The following DFFB variants were observed in gnomAD, a reference collection of about 807,000 sequenced individuals.
DFFB encodes the protein DNA fragmentation factor 40 kDa subunit.
A neutral mutation model predicts 32.7 loss-of-function variants in DFFB; 29 were observed. That is an observed-to-expected ratio of 0.89 (90% CI 0.66 to 1.21). The LOEUF (loss-of-function observed/expected upper bound fraction) is 1.21, where lower values mean the gene tolerates loss of function less well. Among genes scored for constraint, DFFB ranks in the 50% most tolerant of loss-of-function variants. DFFB has a pLI of 0.00. For missense variants in DFFB, 398 were observed against 440.6 expected, an observed-to-expected ratio of 0.90 and a Z score of 0.87; for synonymous variants, 170 against 177.1, an observed-to-expected ratio of 0.96 and a Z score of 0.32.
chr1:3,863,318 A>C (rs1355291471), intron 2 of DFFB, among the ~76,000 whole-genome samples: 1 of 152,214 alleles, frequency 6.6e-6, no homozygotes, highest in Non-Finnish European at 1.5e-5. Context: ...GGAACTGCAA[A>C]TCAAAACCAC....
rs761576895 is a variant in DFFB at position 3,857,723 on chromosome 1, C to G, written c.114+6C>G. 4 of 1,512,476 alleles carry G rather than the reference C, an allele frequency of 2.6e-6. No individual in the cohort carries two copies. The highest frequency in any genetic ancestry group is 3.5e-6 in the Non-Finnish European group (4 of 1,128,014). 93.7% of individuals were successfully genotyped at this position (1,512,476 alleles called of 1,614,324 possible). A position where few individuals can be genotyped will look rare whatever the true frequency, so the allele number is the denominator to read the frequency against. On this transcript the variant is annotated splice_donor_region_variant and intron_variant, in intron 1 of 6. Coordinates refer to ENST00000378209, the MANE Select transcript of DFFB (RefSeq NM_004402.4). ...AGGGCTGTCTCCGCTTCCAGGTGCC[C>G]GCTGGGCTAGGCGGGGACGGCCCGT...
At position 3,869,690 on chromosome 1, in the gene DFFB, C is replaced by A. The variant is rs1032964612; in HGVS notation, c.596C>A (p.Ser199Tyr). 2 of 1,613,410 alleles carry A rather than the reference C, an allele frequency of 1.2e-6. No individual in the cohort carries two copies. Among genetic ancestry groups the A allele is most frequent in the African/African-American group, 2.7e-5 (2 of 75,074 alleles). ...GGCTCCATGTGCCAGAGGCTCCGGT[C>A]CATGCAGTACAATGGCAGCTACTTC... ...VLGSMCQRLR[S>Y]MQYNGSYFDR... The change falls in exon 5 of 7, where the codon TCC (serine) becomes TAC (tyrosine). Residue 199 changes from serine (S) to tyrosine (Y), a missense_variant. Transcript: ENST00000378209.
chr1:3,883,064 C>T (rs1001310511), intron 6 of DFFB, among the ~76,000 whole-genome samples: 5 of 148,248 alleles, frequency 3.4e-5, no homozygotes, highest in South Asian at 2.1e-4. Flanking sequence ...AGTGCGGTGG[C>T]GTGATCTTGG....
intron 2 of DFFB, among the ~76,000 whole-genome samples, chr1:3,859,935 C>T (rs1644846864): frequency 6.6e-6 from 1 of 152,144 alleles, no homozygotes. Flanking sequence ...CTGCATCTCG[C>T]AGTCTCTGTC....
chr1:3,857,798 A>C, intron 1 of DFFB, 81 bp downstream of exon 1: 3 of 1,083,504 alleles, frequency 2.8e-6, no homozygotes, highest in Non-Finnish European at 3.7e-6. Context: ...CTCTTCCAAA[A>C]CGGAGGGTGC....
At chr1:3,872,089 A>G (rs548713176) in intron 5 of DFFB, among the ~76,000 whole-genome samples, 1 of 152,286 alleles carries the variant, frequency 6.6e-6, no homozygotes, top group East Asian at 1.9e-4. Context: ...TGCACGTCCA[A>G]AGCATGTCAC....
At chr1:3,860,077 A>G (rs1644850169) in intron 2 of DFFB, among the ~76,000 whole-genome samples, 1 of 152,052 alleles carries the variant, frequency 6.6e-6, no homozygotes, top group African/African-American at 2.4e-5. Flanking sequence ...TTAGACTTAA[A>G]AAAAATTTTT....
At chr1:3,875,065 C>T (rs887460623) in intron 6 of DFFB, among the ~76,000 whole-genome samples, 1 of 152,258 alleles carries the variant, frequency 6.6e-6, no homozygotes, top group Non-Finnish European at 1.5e-5. Flanking sequence ...TGTACCTGTT[C>T]ATTGCATGCT....
rs199677789 is a variant in DFFB, at chr1:3,867,959, T to C, written c.431-15T>C. On this transcript the variant is annotated splice_polypyrimidine_tract_variant and intron_variant, in intron 3 of 6. Transcript: ENST00000378209. ...CTGCCCTGTGGACTTGGGGGTCTTC[T>C]CGTTTTCCTTGCAGGCTTGGAGTCC... 4,400 of 1,614,020 alleles carry C rather than the reference T, an allele frequency of 2.7e-3. 14 individuals are homozygous for C. Among genetic ancestry groups the C allele is most frequent in the Non-Finnish European group, 3.3e-3 (3,942 of 1,179,910 alleles).
intron 5 of DFFB, among the ~76,000 whole-genome samples, chr1:3,871,733 T>G: frequency 6.6e-6 from 1 of 152,200 alleles, no homozygotes; most frequent in Middle Eastern, 3.2e-3. Flanking sequence ...GTGGGTAATT[T>G]ATAAAGAAAA....
chr1:3,866,683 C>T (rs934824077), intron 3 of DFFB, among the ~76,000 whole-genome samples: 2 of 152,156 alleles, frequency 1.3e-5, no homozygotes, highest in Non-Finnish European at 2.9e-5. Flanking sequence ...GAACTCCTTC[C>T]ACCTTGCAAA....
intron 3 of DFFB, 188 bp downstream of exon 3, chr1:3,866,188 G>A: frequency 1.5e-6 from 1 of 689,552 alleles, no homozygotes; most frequent in Non-Finnish European, 2.6e-6. Flanking sequence ...ACCCAGCAAG[G>A]ACTCAGGTGG....
chr1:3,874,023 G>A (rs1022053168), intron 6 of DFFB, among the ~76,000 whole-genome samples: 6 of 152,228 alleles, frequency 3.9e-5, no homozygotes, highest in East Asian at 1.9e-4. Flanking sequence ...ACTTGTGAAA[G>A]GTGTGTGTGC....
intron 1 of DFFB, among the ~76,000 whole-genome samples, chr1:3,858,376 G>T (rs1416952453): frequency 6.6e-6 from 1 of 152,194 alleles, no homozygotes; most frequent in Non-Finnish European, 1.5e-5. Context: ...TGGGGATGGT[G>T]GTGTTCAGCT....
chr1:3,883,388 T>C, intron 6 of DFFB, 119 bp from the exon 7 acceptor site: 1 of 914,334 alleles, frequency 1.1e-6, no homozygotes, highest in Admixed American at 2.4e-5. Flanking sequence ...GGTGCGGCCG[T>C]GTGTCCGTGA....
chr1:3,882,910 A>G (rs1645368882), intron 6 of DFFB, among the ~76,000 whole-genome samples: 1 of 151,808 alleles, frequency 6.6e-6, no homozygotes, highest in Non-Finnish European at 1.5e-5. Flanking sequence ...CAGTTAAGCC[A>G]GTTGTTGATG....
chr1:3,859,979 T>C (rs1037385984), intron 2 of DFFB, among the ~76,000 whole-genome samples: 10 of 152,206 alleles, frequency 6.6e-5, no homozygotes, highest in Non-Finnish European at 1.0e-4. Context: ...GCTCTCTCTG[T>C]CTGTCTCTGT....
At chr1:3,862,186 A>T (rs1283209741) in intron 2 of DFFB, among the ~76,000 whole-genome samples, 1 of 152,246 alleles carries the variant, frequency 6.6e-6, no homozygotes, top group Non-Finnish European at 1.5e-5. Flanking sequence ...TATTCTGAAA[A>T]CTGCAAAATG....
Position 3,883,802 on chromosome 1 carries a change from T to G in DFFB, c.*61T>G. 1 of 1,479,324 alleles carries G rather than the reference T, an allele frequency of 6.8e-7. No homozygotes were observed. The highest frequency in any genetic ancestry group is 2.3e-5 in the East Asian group (1 of 43,832). 91.6% of individuals were successfully genotyped at this position (1,479,324 alleles called of 1,614,324 possible). On this transcript the variant is annotated 3_prime_UTR_variant, in exon 7 of 7. Coordinates refer to ENST00000378209, the MANE Select transcript of DFFB (RefSeq NM_004402.4). ...CTGACGTGGGCATCATTTTAACAGGTGCCTTTTTTGTTTTTTTGTTTTTCG... is the reference window on the plus strand; with the variant it reads ...CTGACGTGGGCATCATTTTAACAGGGGCCTTTTTTGTTTTTTTGTTTTTCG...
Sources: allele counts gnomAD v4.1 joint callset (sites outside exome capture counted in the v4.1 genomes callset), GRCh38; gene constraint gnomAD v4.1.1; transcripts MANE v1.5; gene names NCBI Gene and HGNC (gene_info 2026-07-23, HGNC 2026-07-21).